TXNDC16: variants seen among roughly 807,000 people sequenced by gnomAD.
TXNDC16 encodes thioredoxin domain containing 16.
In TXNDC16, 74 loss-of-function variants were observed where a neutral mutation model predicts 85.6. The observed-to-expected ratio is 0.86, with a 90% CI of 0.72 to 1.05. The LOEUF (loss-of-function observed/expected upper bound fraction) is 1.05. TXNDC16 is among the 50% of genes least tolerant of loss of function. The pLI, the probability that TXNDC16 is intolerant of heterozygous loss-of-function variation, is 0.00. For synonymous variants in TXNDC16, 335 were observed against 326.5 expected, an observed-to-expected ratio of 1.03 and a Z score of -0.28; for missense variants, 959 against 947.0, an observed-to-expected ratio of 1.01 and a Z score of -0.17.
At position 52,508,051 on chromosome 14, in the gene TXNDC16, C is replaced by A. The variant is rs1383358437; in HGVS notation, c.756+3189G>T. Among the ~76,000 whole-genome samples, 8 of 152,254 alleles carry A rather than the reference C, an allele frequency of 5.3e-5. No individual in the cohort carries two copies. In the South Asian group the frequency reaches 8.3e-4, roughly 16 times the overall value. ...CACCAAAAGCAATGGCAACAAAAGACAAAATTGACAAATGGGATCTAATTA... is the reference window on the plus strand; with the variant it reads ...CACCAAAAGCAATGGCAACAAAAGAAAAAATTGACAAATGGGATCTAATTA... On this transcript the variant is annotated intron_variant, in intron 9 of 20. Transcript: ENST00000281741.
At chr14:52,466,191 G>A (rs1323591351) in intron 16 of TXNDC16, among the ~76,000 whole-genome samples, 1 of 150,958 alleles carries the variant, frequency 6.6e-6, no homozygotes, top group South Asian at 2.1e-4. Context: ...TGAAACCATG[G>A]CATACAAAGA....
At chr14:52,461,954 G>C (rs1029641258) in intron 16 of TXNDC16, among the ~76,000 whole-genome samples, 3 of 152,218 alleles carry the variant, frequency 2.0e-5, no homozygotes, top group Non-Finnish European at 4.4e-5. Context: ...CTTAAAACAT[G>C]TAAAGACAGC....
intron 12 of TXNDC16, among the ~76,000 whole-genome samples, chr14:52,484,075 T>A (rs1260102939): frequency 6.6e-6 from 1 of 152,158 alleles, no homozygotes. Context: ...GAATTGTTAA[T>A]TTTTTAGATG....
intron 9 of TXNDC16, among the ~76,000 whole-genome samples, chr14:52,499,433 A>C (rs1001125971): frequency 6.6e-6 from 1 of 152,154 alleles, no homozygotes; most frequent in African/African-American, 2.4e-5. Flanking sequence ...TAATTCAATA[A>C]CAAAACAAAT....
chr14:52,500,116 T>G (rs565568195), intron 9 of TXNDC16, among the ~76,000 whole-genome samples: 103 of 152,148 alleles, frequency 6.8e-4, no homozygotes, highest in Non-Finnish European at 1.2e-3. Flanking sequence ...CTTCTGGGTA[T>G]ATTTTCAAAA....
intron 13 of TXNDC16, 21 bp downstream of exon 13, chr14:52,482,801 C>T: frequency 6.4e-7 from 1 of 1,570,604 alleles, no homozygotes. Context: ...ATGTAACAGT[C>T]CTCTAAAGGC....
chr14:52,465,939 C>T (rs1323627152), intron 16 of TXNDC16, among the ~76,000 whole-genome samples: 2 of 151,960 alleles, frequency 1.3e-5, no homozygotes, highest in Non-Finnish European at 2.9e-5. Flanking sequence ...GAAAGATATA[C>T]AGGTATATAC....
At chr14:52,446,939 C>T (rs560738838) in intron 18 of TXNDC16, among the ~76,000 whole-genome samples, 1 of 151,724 alleles carries the variant, frequency 6.6e-6, no homozygotes, top group South Asian at 2.1e-4. Context: ...AGTGAGACTC[C>T]GAGACTTGCT....
intron 6 of TXNDC16, among the ~76,000 whole-genome samples, chr14:52,530,414 TATA>T (rs1171362320): frequency 4.4e-5 from 1 of 22,560 alleles, no homozygotes; most frequent in Non-Finnish European, 6.5e-5. Flanking sequence ...ATAATTATTA[TATA>T]ATATTATATA....
In TXNDC16 at chr14:52,490,346, C is replaced by G. The variant is rs373864885; in HGVS notation, c.984+45G>C. On this transcript the variant is annotated intron_variant, in intron 11 of 20. Transcript: ENST00000281741. ...ATTAAAGACCACATATATTAGCTTT[C>G]TTTAAATAAACAGATATTGTAGAAC... The G allele has an allele frequency of 8.0e-6, 11 of 1,380,466 alleles. No individual in the cohort carries two copies. In the African/African-American group the frequency reaches 1.3e-4, roughly 17 times the overall value. 85.5% of individuals were successfully genotyped at this position (1,380,466 alleles called of 1,614,324 possible).
At chr14:52,470,738 AG>A in intron 14 of TXNDC16, 58 bp from the exon 15 acceptor site, 1 of 1,481,552 alleles carries the variant, frequency 6.7e-7, no homozygotes, top group Non-Finnish European at 9.1e-7. Context: ...GCATTTGCTT[AG>A]GATCTTCAGT....
rs143047031 is a variant in TXNDC16, at chr14:52,482,249, A to G, written c.1293T>C (p.Asp431=). ...CACTACCTTTCAGTTTAACTGCCAC[A>G]TCAATATAGGATTGCAAAAATGCCA... ...VSMAFLQSYI[D]VAVKLKGTST... is the part of the protein sequence containing the mutation. Residue 431 remains aspartate (D), a synonymous_variant, in exon 14 of 21, where the codon GAT becomes GAC. Transcript: ENST00000281741. 2 of 1,612,262 alleles carry G rather than the reference A, an allele frequency of 1.2e-6. No individual in the cohort carries two copies. The highest frequency in any genetic ancestry group is 1.7e-5 in the Admixed American group (1 of 59,950).
At chr14:52,486,564 C>T (rs772212065) in intron 12 of TXNDC16, among the ~76,000 whole-genome samples, 1 of 151,980 alleles carries the variant, frequency 6.6e-6, no homozygotes, top group Non-Finnish European at 1.5e-5. Context: ...CATTCTGATT[C>T]CATTTTGCTG....
chr14:52,551,629 T>G (rs1026749515), intron 1 of TXNDC16, among the ~76,000 whole-genome samples: 4 of 152,180 alleles, frequency 2.6e-5, no homozygotes. Flanking sequence ...CTTTTAATTT[T>G]GCACTACTTG....
chr14:52,507,809 TG>T (rs1480432283), intron 9 of TXNDC16, among the ~76,000 whole-genome samples: 1 of 152,156 alleles, frequency 6.6e-6, no homozygotes, highest in South Asian at 2.1e-4. Context: ...AACAAGAAAT[TG>T]GGGAAAGGAT....
At chr14:52,451,994 A>G (rs1197468727) in intron 18 of TXNDC16, among the ~76,000 whole-genome samples, 1 of 152,220 alleles carries the variant, frequency 6.6e-6, no homozygotes, top group Non-Finnish European at 1.5e-5. Flanking sequence ...GTAAAGTTGC[A>G]AGACAAATCA....
chr14:52,439,352 A>G lies in TXNDC16; in HGVS notation c.2046T>C (p.Phe682=), dbSNP rs942312339. The G allele has an allele frequency of 1.2e-6, 2 of 1,613,986 alleles. No homozygotes were observed. The highest frequency in any genetic ancestry group is 1.7e-6 in the Non-Finnish European group (2 of 1,179,938). Residue 682 remains phenylalanine, a synonymous_variant, in exon 20 of 21, where the codon TTT becomes TTC. Coordinates refer to ENST00000281741, the MANE Select transcript of TXNDC16 (RefSeq NM_020784.3). Reference sequence around the variant, plus strand: ...GAAGAGGAAGGGGAGGCAGAGGATCAAAATATGCCCTCAAGATTCCTCTCC... The same window carrying G: ...GAAGAGGAAGGGGAGGCAGAGGATCGAAATATGCCCTCAAGATTCCTCTCC... ...PVGRGILRAY[F]DPLPPLPLLV...
intron 1 of TXNDC16, among the ~76,000 whole-genome samples, chr14:52,548,901 C>G (rs2037992234): frequency 1.3e-5 from 2 of 152,158 alleles, no homozygotes; most frequent in South Asian, 4.1e-4. Context: ...ATAAAATAAA[C>G]CATTATTTTA....
chr14:52,506,087 TACCA>T (rs1289171326), intron 9 of TXNDC16, among the ~76,000 whole-genome samples: 2 of 152,076 alleles, frequency 1.3e-5, no homozygotes, highest in African/African-American at 4.8e-5. Flanking sequence ...ATTAATAGCT[TACCA>T]ACCAAAAAAT....
Sources: gnomAD v4.1 joint callset for allele counts (sites outside exome capture counted in the v4.1 genomes callset) on GRCh38, gnomAD v4.1.1 for gene constraint, MANE v1.5 for transcripts, NCBI Gene and HGNC (gene_info 2026-07-23, HGNC 2026-07-21) for gene names.